GPC6: variants seen among roughly 807,000 people sequenced by gnomAD.
The protein encoded by GPC6 is glypican 6.
A neutral mutation model predicts 55.2 loss-of-function variants in GPC6; 14 were observed. That is an observed-to-expected ratio of 0.25 (90% CI 0.17 to 0.40). The LOEUF (loss-of-function observed/expected upper bound fraction) is 0.40. GPC6 is among the 10% of genes least tolerant of loss of function. The pLI is 1.00. For missense variants in GPC6, 641 were observed against 708.5 expected (o/e 0.90, Z 1.08); for synonymous variants, 278 against 259.6 (o/e 1.07, Z -0.68).
intron 3 of GPC6, among the ~76,000 whole-genome samples, chr13:93,918,008 A>T (rs1373114096): frequency 6.6e-6 from 1 of 151,964 alleles, no homozygotes; most frequent in East Asian, 1.9e-4. Context: ...GAGGCAGAAA[A>T]ATCACTTGAA....
chr13:94,070,544 G>A (rs1280549985), intron 4 of GPC6, among the ~76,000 whole-genome samples: 3 of 152,134 alleles, frequency 2.0e-5, no homozygotes, highest in South Asian at 2.1e-4. Context: ...ACTATGCTAC[G>A]TGAGGTACCA....
chr13:93,972,977 CT>C (rs1347632696), intron 3 of GPC6, among the ~76,000 whole-genome samples: 6 of 151,894 alleles, frequency 4.0e-5, no homozygotes, highest in Admixed American at 3.3e-4. Context: ...CTCTCTGTCT[CT>C]CTCTCTCTCT....
intron 6 of GPC6, among the ~76,000 whole-genome samples, chr13:94,311,297 T>C (rs551228241): frequency 2.6e-5 from 4 of 151,960 alleles, no homozygotes; most frequent in African/African-American, 9.6e-5. Context: ...GCCTCCCGAG[T>C]AGCTGGGATT....
intron 2 of GPC6, among the ~76,000 whole-genome samples, chr13:93,795,991 C>T (rs1490379389): frequency 6.6e-6 from 1 of 151,412 alleles, no homozygotes; most frequent in Non-Finnish European, 1.5e-5. Context: ...CAAGACCAGC[C>T]TGGGCAACGT....
At chr13:93,432,608 G>A (rs74108531) in intron 1 of GPC6, among the ~76,000 whole-genome samples, 37,044 of 152,012 alleles carry the variant, frequency 0.24, 4,497 homozygotes, top group Middle Eastern at 0.29. Context: ...CCACAATGGC[G>A]TTACTAATGC....
intron 1 of GPC6, among the ~76,000 whole-genome samples, chr13:93,533,083 C>T (rs1215132961): frequency 6.6e-6 from 1 of 152,090 alleles, no homozygotes; most frequent in African/African-American, 2.4e-5. Flanking sequence ...AAGAGCAGCC[C>T]TGAGAGATAT....
intron 4 of GPC6, among the ~76,000 whole-genome samples, chr13:94,048,753 G>T (rs1566335330): frequency 6.6e-6 from 1 of 152,066 alleles, no homozygotes; most frequent in Admixed American, 6.6e-5. Flanking sequence ...GCAGATGGTA[G>T]TAGGGAGATT....
At chr13:93,384,550 T>A (rs1414184829) in intron 1 of GPC6, among the ~76,000 whole-genome samples, 2 of 152,196 alleles carry the variant, frequency 1.3e-5, no homozygotes, top group South Asian at 2.1e-4. Context: ...TGCCTTCCTA[T>A]ACAAAGATCT....
intron 2 of GPC6, among the ~76,000 whole-genome samples, chr13:93,676,117 AAAAAAAAAAATATATATATATATATATAT>A (rs1300971833): frequency 0.011 from 182 of 16,914 alleles, 2 homozygotes; most frequent in African/African-American, 0.024. Context: ...AAAAAAAAAA[AAAAAAAAAAATATATATATATATATATAT>A]ATATATATAT....
chr13:94,322,463 C>T (rs1876878269), intron 6 of GPC6, among the ~76,000 whole-genome samples: 1 of 152,158 alleles, frequency 6.6e-6, no homozygotes. Flanking sequence ...GGAGTCTTTA[C>T]AGAATACCTT....
intron 3 of GPC6, among the ~76,000 whole-genome samples, chr13:93,932,042 C>T (rs1173592071): frequency 1.3e-5 from 2 of 152,134 alleles, no homozygotes; most frequent in Non-Finnish European, 2.9e-5. Flanking sequence ...ATAAAAATAC[C>T]TTTGCATAAT....
At chr13:93,807,769 C>T (rs890281547) in intron 2 of GPC6, among the ~76,000 whole-genome samples, 2 of 152,184 alleles carry the variant, frequency 1.3e-5, no homozygotes, top group Non-Finnish European at 2.9e-5. Flanking sequence ...TAGTAGTAGA[C>T]TCACTTGCGA....
chr13:94,168,781 T>A (rs1009252964), intron 4 of GPC6, among the ~76,000 whole-genome samples: 2 of 150,550 alleles, frequency 1.3e-5, no homozygotes, highest in African/African-American at 4.9e-5. Flanking sequence ...TAGATGGGAT[T>A]CATGATTTTA....
chr13:94,379,712 G>T (rs1594224875), intron 6 of GPC6, among the ~76,000 whole-genome samples: 1 of 152,252 alleles, frequency 6.6e-6, no homozygotes, highest in East Asian at 1.9e-4. Flanking sequence ...GTTTACCTGG[G>T]ACGTTCCCAT....
At chr13:93,837,256 A>G (rs1223897463) in intron 3 of GPC6, among the ~76,000 whole-genome samples, 1 of 152,180 alleles carries the variant, frequency 6.6e-6, no homozygotes, top group Admixed American at 6.5e-5. Context: ...AGTTAAAACA[A>G]CCACCTGTCT....
At chr13:93,731,570 G>A (rs1273508372) in intron 2 of GPC6, among the ~76,000 whole-genome samples, 1 of 152,108 alleles carries the variant, frequency 6.6e-6, no homozygotes, top group Non-Finnish European at 1.5e-5. Context: ...TATATCAAAT[G>A]TATTGTATAT....
intron 3 of GPC6, among the ~76,000 whole-genome samples, chr13:93,982,422 G>C (rs1880847235): frequency 6.6e-6 from 1 of 152,142 alleles, no homozygotes; most frequent in South Asian, 2.1e-4. Flanking sequence ...GTTTGGAAGA[G>C]ACCGAGGGAA....
intron 1 of GPC6, among the ~76,000 whole-genome samples, chr13:93,452,980 T>G (rs1285334028): frequency 6.6e-6 from 1 of 152,250 alleles, no homozygotes; most frequent in Non-Finnish European, 1.5e-5. Flanking sequence ...TTTGCACATA[T>G]GAATTAGCTT....
At chr13:94,116,976 T>A (rs996125345) in intron 4 of GPC6, among the ~76,000 whole-genome samples, 1 of 152,080 alleles carries the variant, frequency 6.6e-6, no homozygotes, top group African/African-American at 2.4e-5. Context: ...AGTTTGGGGT[T>A]CTTTTCCCCC....
Sources: allele counts gnomAD v4.1 joint callset (sites outside exome capture counted in the v4.1 genomes callset), GRCh38; gene constraint gnomAD v4.1.1; transcripts MANE v1.5; gene names NCBI Gene and HGNC (gene_info 2026-07-23, HGNC 2026-07-21).